The following PALD1 variants were observed in gnomAD, a reference collection of about 807,000 sequenced individuals.
PALD1 encodes phosphatase domain containing paladin 1, also known as paladin.
PALD1 carries 57 observed loss-of-function variants against 96.0 expected under a neutral mutation model. The ratio of observed to expected loss-of-function variants is 0.59; its 90% CI spans 0.48 to 0.74. PALD1 has a LOEUF of 0.74. Among genes scored for constraint, PALD1 ranks in the 30% least tolerant of loss-of-function variants. The probability of loss-of-function intolerance (pLI) is 0.00; values close to 1 mark genes in which losing one functional copy is unlikely to be tolerated. For missense variants in PALD1, 1,063 were observed against 1,143.7 expected (o/e 0.93, Z 1.02); for synonymous variants, 464 against 473.6 (o/e 0.98, Z 0.26).
intron 1 of PALD1, among the ~76,000 whole-genome samples, chr10:70,519,633 G>A (rs2132336969): frequency 6.7e-6 from 1 of 149,418 alleles, no homozygotes; most frequent in South Asian, 2.1e-4. Flanking sequence ...AGAGTGCAGT[G>A]GCGCGATCTC....
Position 70,529,346 on chromosome 10 carries a change from T to C in PALD1, c.288+15T>C. 1.4e-6 allele frequency: 2 copies of C among 1,382,518 alleles called. No homozygotes were observed. The highest frequency in any genetic ancestry group is 1.0e-6 in the Non-Finnish European group (1 of 977,970). 85.6% of individuals were successfully genotyped at this position (1,382,518 alleles called of 1,614,324 possible). A position where few individuals can be genotyped will look rare whatever the true frequency, so the allele number is the denominator to read the frequency against. On this transcript the variant is annotated intron_variant, in intron 3 of 19. Coordinates refer to ENST00000263563, the MANE Select transcript of PALD1 (RefSeq NM_014431.3). ...ACCTGGTGCAAGTGAGCTCAGGCCTTACCCTGCCAGCCCGCCTGCTGCCTC... is the reference window on the plus strand; with the variant it reads ...ACCTGGTGCAAGTGAGCTCAGGCCTCACCCTGCCAGCCCGCCTGCTGCCTC...
At chr10:70,498,551 A>T (rs12571825) in intron 1 of PALD1, among the ~76,000 whole-genome samples, 1 of 151,614 alleles carries the variant, frequency 6.6e-6, no homozygotes, top group Non-Finnish European at 1.5e-5. Context: ...AAGTGTTGAG[A>T]TAACAATCAT....
chr10:70,545,589 A>T (rs1364208560), intron 17 of PALD1, among the ~76,000 whole-genome samples: 2 of 151,514 alleles, frequency 1.3e-5, no homozygotes, highest in Non-Finnish European at 1.5e-5. Context: ...AGATTATATC[A>T]TTTTTTTTCT....
chr10:70,553,092 A>C (rs10823562), intron 18 of PALD1, among the ~76,000 whole-genome samples: 4 of 151,828 alleles, frequency 2.6e-5, no homozygotes, highest in African/African-American at 9.7e-5. Flanking sequence ...GGGCTGGAAG[A>C]TCCTGTCGTC....
intron 18 of PALD1, among the ~76,000 whole-genome samples, chr10:70,564,045 G>T (rs537402777): frequency 1.3e-5 from 2 of 152,132 alleles, no homozygotes; most frequent in African/African-American, 2.4e-5. Flanking sequence ...TACCTCAGGC[G>T]CCATGCAGGG....
chr10:70,526,205 G>A (rs1231030427), intron 2 of PALD1, 69 bp downstream of exon 2: 3 of 1,320,806 alleles, frequency 2.3e-6, no homozygotes, highest in Admixed American at 3.5e-5. Flanking sequence ...GCTTGGGGGT[G>A]CAGTGGCATA....
chr10:70,474,269 T>G (rs1417304635), upstream of PALD1, among the ~76,000 whole-genome samples: 2 of 151,934 alleles, frequency 1.3e-5, no homozygotes, highest in Admixed American at 6.6e-5. Flanking sequence ...TAGGATAAGA[T>G]AGATTAGAGG....
chr10:70,529,368 C>T, intron 3 of PALD1, 37 bp downstream of exon 3: 2 of 980,128 alleles, frequency 2.0e-6, no homozygotes, highest in Non-Finnish European at 3.2e-6. Context: ...CCGCCTGCTG[C>T]CTCCCACCCC....
chr10:70,563,379 G>A (rs74765781), intron 18 of PALD1, among the ~76,000 whole-genome samples: 2,037 of 152,164 alleles, frequency 0.013, 43 homozygotes, highest in African/African-American at 0.047. Flanking sequence ...AGGCCTCCAC[G>A]GCCCAGCGGC....
intron 1 of PALD1, among the ~76,000 whole-genome samples, chr10:70,482,625 C>A (rs1394245672): frequency 6.6e-6 from 1 of 152,160 alleles, no homozygotes; most frequent in Non-Finnish European, 1.5e-5. Flanking sequence ...CCTCGACCAT[C>A]TTCCTACCTG....
Position 70,540,954 on chromosome 10 carries a change from G to T in PALD1, c.1909-148G>T, listed in dbSNP as rs998392145. The T allele has an allele frequency of 1.8e-5, 14 of 792,004 alleles. No individual in the cohort carries two copies. The Admixed American group carries it at 3.3e-4, about 19-fold the overall frequency. The allele number at this position is 792,004 out of a possible 1,614,324, so 49.1% of individuals were successfully genotyped here. A position where few individuals can be genotyped will look rare whatever the true frequency, so the allele number is the denominator to read the frequency against. On this transcript the variant is annotated intron_variant, in intron 15 of 19. Transcript: ENST00000263563. This position sits in a 1 kb window ranked among gnomAD's most constrained non-coding sequence, Gnocchi z 4.2. ...CACGCACATGGTCTCATGCACCCCG[G>T]TGAGTTTTGTTTGTGTGTGCAAGCT... is the stretch of plus-strand genomic sequence containing the variant.
the PALD1 span, among the ~76,000 whole-genome samples, chr10:70,460,585 C>T: frequency 2.6e-5 from 4 of 152,314 alleles, no homozygotes; most frequent in South Asian, 8.3e-4. Flanking sequence ...CCTGCTCCTC[C>T]CCATCTCTTC....
chr10:70,529,319 C>A lies in PALD1; in HGVS notation c.276C>A (p.His92Gln). ...GGCTCTCGGACAACACCCCTGAGCA[C>A]TACCTGGTGCAAGTGAGCTCAGGCC... ...LGRLSDNTPE[H>Q]YLVQGRYFLV... The change falls in exon 3 of 20, where the codon CAC becomes CAA. Residue 92 changes from histidine to glutamine, a missense_variant. By Grantham distance (24) the His-to-Gln change is conservative. Coordinates refer to ENST00000263563, the MANE Select transcript of PALD1 (RefSeq NM_014431.3). 6.3e-7 allele frequency: 1 copy of A among 1,587,080 alleles called. No homozygotes were observed. The highest frequency in any genetic ancestry group is 8.6e-7 in the Non-Finnish European group (1 of 1,159,598).
At chr10:70,463,201 A>G in the PALD1 span, among the ~76,000 whole-genome samples, 123 of 152,308 alleles carry the variant, frequency 8.1e-4, no homozygotes, top group East Asian at 3.9e-3. Context: ...TCAGGAGATC[A>G]AGACCATCCT....
rs780187026 is a variant in PALD1, at chr10:70,531,387, A to G, written c.566A>G (p.His189Arg). 4 of 1,614,086 alleles carry G rather than the reference A, an allele frequency of 2.5e-6. No individual in the cohort carries two copies. The Admixed American group carries it at 6.7e-5, about 27-fold the overall frequency. Residue 189 changes from histidine to arginine, a missense_variant, in exon 5 of 20, where the codon CAT becomes CGT. His to Arg is a conservative substitution (Grantham distance 29, BLOSUM62 0). Transcript: ENST00000263563. ...ACACCTCGAGACAAGCAGAACCTTC[A>G]TGAGAACCTCCAGGGCCTTGGACCC... ...SYTPRDKQNL[H>R]ENLQGLGPGV... is the part of the protein sequence containing the mutation.
At chr10:70,517,813 TG>T in intron 1 of PALD1, among the ~76,000 whole-genome samples, 1 of 152,314 alleles carries the variant, frequency 6.6e-6, no homozygotes. Flanking sequence ...TGTAAGTGTC[TG>T]GGGCTTGGCT....
chr10:70,555,475 C>T (rs1303412168), intron 18 of PALD1, among the ~76,000 whole-genome samples: 5 of 145,376 alleles, frequency 3.4e-5, no homozygotes, highest in Admixed American at 6.8e-5. Flanking sequence ...GTGGCAGCCA[C>T]GACCCGGGGG....
intron 1 of PALD1, among the ~76,000 whole-genome samples, chr10:70,481,145 G>A (rs1234906262): frequency 1.3e-5 from 2 of 152,340 alleles, no homozygotes; most frequent in African/African-American, 4.8e-5. Flanking sequence ...CCAGACAAAA[G>A]ACTCGGAGCC....
intron 1 of PALD1, among the ~76,000 whole-genome samples, chr10:70,524,566 C>T (rs991800965): frequency 3.3e-5 from 5 of 152,142 alleles, no homozygotes; most frequent in Non-Finnish European, 7.3e-5. Context: ...AAATAAAAAT[C>T]GTCCATAATC....
Sources: gnomAD v4.1 joint callset for allele counts (sites outside exome capture counted in the v4.1 genomes callset) on GRCh38, gnomAD v4.1.1 for gene constraint, Gnocchi (gnomAD v3.1) non-coding constraint, MANE v1.5 for transcripts, NCBI Gene and HGNC (gene_info 2026-07-23, HGNC 2026-07-21) for gene names.